SLC66A1: variants seen among roughly 807,000 people sequenced by gnomAD.
The protein encoded by SLC66A1 is lysosomal amino acid transporter 1 homolog.
In SLC66A1, 23 loss-of-function variants were observed where a neutral mutation model predicts 33.0. The ratio of observed to expected loss-of-function variants is 0.70; its 90% CI spans 0.50 to 0.99. The LOEUF (loss-of-function observed/expected upper bound fraction) is 0.99, where lower values mean the gene tolerates loss of function less well. SLC66A1 is among the 50% of genes least tolerant of loss of function. SLC66A1 has a pLI of 0.00. For missense variants in SLC66A1, 335 were observed against 383.6 expected (o/e 0.87, Z 1.06); for synonymous variants, 164 against 175.5 (o/e 0.93, Z 0.52).
intron 1 of SLC66A1, among the ~76,000 whole-genome samples, chr1:19,316,353 T>TTGTGTGTGTGTGTG (rs36226389): frequency 4.1e-5 from 6 of 144,818 alleles, no homozygotes; most frequent in South Asian, 2.2e-4. Flanking sequence ...TCTTTATGGT[T>TTGTGTGTGTGTGTG]TGTGTGTGTG....
chr1:19,326,401 G>C lies in SLC66A1; in HGVS notation c.525+14G>C. On this transcript the variant is annotated intron_variant, in intron 5 of 7. Coordinates refer to ENST00000375153, the MANE Select transcript of SLC66A1 (RefSeq NM_001040125.2). Reference sequence around the variant, plus strand: ...TCGGGCAGCAAGGTGAGGCGTGGGCGTGGCGGTCGAAGGGATGGAGGCTGG... The same window carrying C: ...TCGGGCAGCAAGGTGAGGCGTGGGCCTGGCGGTCGAAGGGATGGAGGCTGG... 3 of 1,605,780 alleles carry C rather than the reference G, an allele frequency of 1.9e-6. No individual in the cohort carries two copies. The highest frequency in any genetic ancestry group is 2.5e-6 in the Non-Finnish European group (3 of 1,176,944).
downstream of SLC66A1, among the ~76,000 whole-genome samples, chr1:19,329,522 G>A (rs975228874): frequency 8.5e-5 from 13 of 152,218 alleles, no homozygotes. Flanking sequence ...AGCAGGGAGA[G>A]TGACTCCCCA....
intron 2 of SLC66A1, 53 bp downstream of exon 2, chr1:19,317,894 T>C: frequency 6.3e-7 from 1 of 1,579,888 alleles, no homozygotes; most frequent in Non-Finnish European, 8.6e-7. Context: ...GTTGAGGCAG[T>C]GGCTCCAGCT....
chr1:19,325,660 G>A, intron 4 of SLC66A1, 78 bp downstream of exon 4: 1 of 1,212,860 alleles, frequency 8.2e-7, no homozygotes, highest in Non-Finnish European at 1.2e-6. Context: ...CCTGGAGTGT[G>A]GGAGGAAGCG....
rs979680447 is a variant in SLC66A1, at chr1:19,328,830, G to A, written c.*187G>A. On this transcript the variant is annotated 3_prime_UTR_variant, in exon 8 of 8. Coordinates refer to ENST00000375153, the MANE Select transcript of SLC66A1 (RefSeq NM_001040125.2). The surrounding 1 kb of genome is among the most constrained non-coding windows in gnomAD (Gnocchi z 4.7). Reference sequence around the variant, plus strand: ...ACCCCGAAGCCTCAAGGCCGGGGCTGGAGCGGAGACCCCAGGGCCTCTCAG... The same window carrying A: ...ACCCCGAAGCCTCAAGGCCGGGGCTAGAGCGGAGACCCCAGGGCCTCTCAG... 4 of 651,008 alleles carry A rather than the reference G, an allele frequency of 6.1e-6. No individual in the cohort carries two copies. The highest frequency in any genetic ancestry group is 1.8e-5 in the African/African-American group (1 of 54,894). The allele number at this position is 651,008 out of a possible 1,614,324, so 40.3% of individuals were successfully genotyped here. A position where few individuals can be genotyped will look rare whatever the true frequency, so the allele number is the denominator to read the frequency against.
At chr1:19,326,084 T>G (rs1471264092) in intron 4 of SLC66A1, among the ~76,000 whole-genome samples, 161 bp from the exon 5 acceptor site, 1 of 152,236 alleles carries the variant, frequency 6.6e-6, no homozygotes, top group Non-Finnish European at 1.5e-5. Flanking sequence ...GGTACTGTTG[T>G]TGTACCCATT....
At chr1:19,318,368 A>T (rs961245713) in intron 2 of SLC66A1, among the ~76,000 whole-genome samples, 8 of 152,190 alleles carry the variant, frequency 5.3e-5, no homozygotes, top group African/African-American at 1.9e-4. Context: ...TCAGGGAGTG[A>T]GGACATGCTG....
At position 19,324,637 on chromosome 1, in the gene SLC66A1, T is replaced by C. The variant is rs763712311; in HGVS notation, c.169T>C (p.Phe57Leu). 2 of 1,613,996 alleles carry C rather than the reference T, an allele frequency of 1.2e-6. No homozygotes were observed. Among genetic ancestry groups the C allele is most frequent in the African/African-American group, 1.3e-5 (1 of 74,932 alleles). Reference sequence around the variant, plus strand: ...CTTCCTCTTCCTCTTCCACAGCCAGTTCATCAAAGCCTACAAGACGGGCAA... The same window carrying C: ...CTTCCTCTTCCTCTTCCACAGCCAGCTCATCAAAGCCTACAAGACGGGCAA... Reference protein sequence around the residue: ...LCFAASTFPQFIKAYKTGNMD... With the variant: ...LCFAASTFPQLIKAYKTGNMD... The change falls in exon 3 of 8, where the codon TTC becomes CTC. Residue 57 changes from phenylalanine to leucine, a missense_variant. By Grantham distance (22) the Phe-to-Leu change is conservative (BLOSUM62 0). Coordinates refer to ENST00000375153, the MANE Select transcript of SLC66A1 (RefSeq NM_001040125.2).
chr1:19,326,573 A>G lies in SLC66A1; in HGVS notation c.568A>G (p.Ile190Val), dbSNP rs981050358. The G allele has an allele frequency of 3.1e-6, 5 of 1,614,040 alleles. No individual in the cohort carries two copies. Among genetic ancestry groups the G allele is most frequent in the Admixed American group, 1.7e-5 (1 of 60,004 alleles). The change falls in exon 6 of 8, where the codon ATC (isoleucine) becomes GTC (valine). Residue 190 changes from isoleucine to valine, a missense_variant. Physicochemically the swap from Ile to Val is conservative, Grantham distance 29. Coordinates refer to ENST00000375153, the MANE Select transcript of SLC66A1 (RefSeq NM_001040125.2). ...AGTCATTGGCTTCGTCATCGGCTCC[A>G]TCTCCAGCGTGTTGTACCTGCTTTC... ...QEVIGFVIGS[I>V]SSVLYLLSRL...
intron 2 of SLC66A1, among the ~76,000 whole-genome samples, chr1:19,322,162 G>A (rs1407690834): frequency 6.6e-6 from 1 of 152,000 alleles, no homozygotes; most frequent in African/African-American, 2.4e-5. Flanking sequence ...CATCAGTGGT[G>A]GGGGGATTGG....
At chr1:19,326,474 G>T in intron 5 of SLC66A1, 57 bp from the exon 6 acceptor site, 2 of 1,613,518 alleles carry the variant, frequency 1.2e-6, no homozygotes, top group South Asian at 1.1e-5. Context: ...TGCTAAATGG[G>T]GTGGGGGATC....
At chr1:19,333,177 T>TCAGC (rs2093897157), downstream of SLC66A1, among the ~76,000 whole-genome samples, 1 of 152,176 alleles carries the variant, frequency 6.6e-6, no homozygotes, top group Non-Finnish European at 1.5e-5. This position sits in a 1 kb window ranked among gnomAD's most constrained non-coding sequence, Gnocchi z 4.2. Context: ...CCTGGCTCTC[T>TCAGC]CAGCCCCAAG....
At chr1:19,315,776 G>A (rs943524844) in intron 1 of SLC66A1, among the ~76,000 whole-genome samples, 2 of 152,060 alleles carry the variant, frequency 1.3e-5, no homozygotes, top group Non-Finnish European at 2.9e-5. Flanking sequence ...CTTCTGCTTC[G>A]CTGGTGACAG....
intron 1 of SLC66A1, among the ~76,000 whole-genome samples, chr1:19,315,739 CCTCT>C (rs374804532): frequency 1.3e-5 from 2 of 151,556 alleles, no homozygotes; most frequent in African/African-American, 4.8e-5. Flanking sequence ...TCCCTCTCTC[CCTCT>C]CTCTCTCTCG....
chr1:19,328,507 A>G lies in SLC66A1; in HGVS notation c.805-65A>G, dbSNP rs2093881345. 2.2e-5 allele frequency: 32 copies of G among 1,484,570 alleles called. No individual in the cohort carries two copies. The South Asian group carries it at 3.7e-4, about 17-fold the overall frequency. The allele number at this position is 1,484,570 out of a possible 1,614,324, so 92.0% of individuals were successfully genotyped here. On this transcript the variant is annotated intron_variant, in intron 7 of 7. Coordinates refer to ENST00000375153, the MANE Select transcript of SLC66A1 (RefSeq NM_001040125.2). This position sits in a 1 kb window ranked among gnomAD's most constrained non-coding sequence, Gnocchi z 4.7. ...AGAGGGAGGCAGCTCCCAGGAGTCG[A>G]AGGCCCCCAGGGGCAGGTCCAACCC...
chr1:19,326,243 A>C lies in SLC66A1; in HGVS notation c.383-2A>C, dbSNP rs1368955193. The C allele has an allele frequency of 6.3e-7, 1 of 1,599,394 alleles. No homozygotes were observed. Among genetic ancestry groups the C allele is most frequent in the East Asian group, 2.2e-5 (1 of 44,750 alleles). On this transcript the variant is annotated splice_acceptor_variant, in intron 4 of 7. Transcript: ENST00000375153. LOFTEE classifies it high-confidence loss of function. Reference sequence around the variant, plus strand: ...CTCAGCTTCCCCCTGCCTTGTGTGCAGTGTCTGCCCCCATCAACTCCGTGC... The same window carrying C: ...CTCAGCTTCCCCCTGCCTTGTGTGCCGTGTCTGCCCCCATCAACTCCGTGC...
downstream of SLC66A1, among the ~76,000 whole-genome samples, chr1:19,332,313 C>T (rs636795): frequency 0.57 from 86,564 of 151,748 alleles, 25,070 homozygotes; most frequent in African/African-American, 0.65. Flanking sequence ...ATGAGACCAA[C>T]AACACTGTCT....
chr1:19,314,935 G>A (rs1007940048), intron 1 of SLC66A1, among the ~76,000 whole-genome samples: 4 of 152,026 alleles, frequency 2.6e-5, no homozygotes, highest in African/African-American at 9.7e-5. Flanking sequence ...GTTTTTGAGA[G>A]TCTTGCTCTG....
chr1:19,321,030 A>G (rs1391605469), intron 2 of SLC66A1, among the ~76,000 whole-genome samples: 2 of 149,858 alleles, frequency 1.3e-5, no homozygotes, highest in Non-Finnish European at 2.9e-5. Context: ...CACTTTCTTG[A>G]TGGTGTCCTT....
Sources: allele counts gnomAD v4.1 joint callset (sites outside exome capture counted in the v4.1 genomes callset), GRCh38; gene constraint gnomAD v4.1.1; non-coding constraint Gnocchi (gnomAD v3.1); transcripts MANE v1.5; gene names NCBI Gene and HGNC (gene_info 2026-07-23, HGNC 2026-07-21).